Variants in ZSWIM9 observed in about 807,000 individuals in gnomAD.
ZSWIM9 encodes the protein uncharacterized protein ZSWIM9.
ZSWIM9 carries 11 observed loss-of-function variants against 25.0 expected under a neutral mutation model. The observed-to-expected ratio is 0.44, with a 90% confidence interval of 0.28 to 0.73. The LOEUF (loss-of-function observed/expected upper bound fraction) is 0.73. ZSWIM9 is among the 30% of genes least tolerant of loss of function. ZSWIM9 has a pLI of 0.16. For synonymous variants in ZSWIM9, 562 were observed against 582.1 expected (o/e 0.97, Z 0.50); for missense variants, 1,070 against 1,296.5 (o/e 0.83, Z 2.68).
chr19:48,185,697 C>T (rs1377063591), intron 3 of ZSWIM9, among the ~76,000 whole-genome samples: 1 of 152,116 alleles, frequency 6.6e-6, no homozygotes, highest in Non-Finnish European at 1.5e-5. Context: ...AGAAATGTTC[C>T]TTATCCAGGC....
chr19:48,177,762 C>T lies in ZSWIM9; in HGVS notation c.276-4693C>T, dbSNP rs74388465. Among the ~76,000 whole-genome samples the T allele has an allele frequency of 8.6e-3, 1,317 of 152,284 alleles. 15 individuals are homozygous for T. Among genetic ancestry groups the T allele is most frequent in the African/African-American group, 0.029 (1,218 of 41,562 alleles). The stretch of plus-strand genomic sequence containing the variant: ...TAGAAAAATGTACGGGGTGGCATAC[C>T]GTGAACTTGCAATCTTGATAAATCA... On this transcript the variant is annotated intron_variant, in intron 2 of 3. Coordinates refer to ENST00000614654, the MANE Select transcript of ZSWIM9 (RefSeq NM_199341.4).
In ZSWIM9 at chr19:48,195,591, G is replaced by A; in HGVS notation, c.1527G>A (p.Gln509=). The A allele has an allele frequency of 7.0e-7, 1 of 1,420,374 alleles. No homozygotes were observed. Among genetic ancestry groups the A allele is most frequent in the Non-Finnish European group, 9.2e-7 (1 of 1,092,806 alleles). 88.0% of individuals were successfully genotyped at this position (1,420,374 alleles called of 1,614,324 possible). A position where few individuals can be genotyped will look rare whatever the true frequency, so the allele number is the denominator to read the frequency against. Residue 509 remains glutamine (Q), a synonymous_variant, in exon 4 of 4, where the codon CAG becomes CAA. Coordinates refer to ENST00000614654, the MANE Select transcript of ZSWIM9 (RefSeq NM_199341.4). This position sits in a 1 kb window ranked among gnomAD's most constrained non-coding sequence, Gnocchi z 5.8. ...AAACCAGAGACTGGGGCGGGGCTCAGTTCGAAGGTGAGAAGGGGAGGGCAC... is the reference window on the plus strand; with the variant it reads ...AAACCAGAGACTGGGGCGGGGCTCAATTCGAAGGTGAGAAGGGGAGGGCAC... The part of the protein sequence containing the change: ...ALETRDWGGA[Q]FEGEKGRALQ...
chr19:48,196,632 C>G lies in ZSWIM9; in HGVS notation c.2568C>G (p.Thr856=), dbSNP rs45539734. The G allele has an allele frequency of 1.6e-6, 2 of 1,232,396 alleles. No homozygotes were observed. The highest frequency in any genetic ancestry group is 8.4e-5 in the Admixed American group (2 of 23,710). 76.3% of individuals were successfully genotyped at this position (1,232,396 alleles called of 1,614,324 possible). The change falls in exon 4 of 4, where the codon ACC becomes ACG. Residue 856 remains threonine, a synonymous_variant. Coordinates refer to ENST00000614654, the MANE Select transcript of ZSWIM9 (RefSeq NM_199341.4). ...RQHGTRGFHW[T]GAGFALKDGT... ...ATGGGACCCGGGGTTTCCACTGGAC[C>G]GGAGCTGGCTTTGCCCTTAAGGACG...
In ZSWIM9 at chr19:48,194,768, C is replaced by T. The variant is rs1016850026; in HGVS notation, c.704C>T (p.Pro235Leu). ...FPRMLLVDRL[P>L]GLQGALDLLA... ...CGCATGCTGCTGGTGGACCGGCTGC[C>T]GGGGCTGCAGGGCGCGCTGGATCTG... Residue 235 changes from proline to leucine, a missense_variant, in exon 4 of 4, where the codon CCG becomes CTG. Transcript: ENST00000614654. This position sits in a 1 kb window ranked among gnomAD's most constrained non-coding sequence, Gnocchi z 6.0. The T allele has an allele frequency of 1.3e-6, 2 of 1,532,710 alleles. No individual in the cohort carries two copies. Among genetic ancestry groups the T allele is most frequent in the South Asian group, 1.2e-5 (1 of 83,624 alleles). The allele number at this position is 1,532,710 out of a possible 1,614,324, so 94.9% of individuals were successfully genotyped here. A position where few individuals can be genotyped will look rare whatever the true frequency, so the allele number is the denominator to read the frequency against.
rs1307307860 is a variant in ZSWIM9, at chr19:48,182,423, T to C, written c.276-32T>C. 6.7e-7 allele frequency: 1 copy of C among 1,494,386 alleles called. No homozygotes were observed. 92.6% of individuals were successfully genotyped at this position (1,494,386 alleles called of 1,614,324 possible). On this transcript the variant is annotated intron_variant, in intron 2 of 3. Coordinates refer to ENST00000614654, the MANE Select transcript of ZSWIM9 (RefSeq NM_199341.4). This position sits in a 1 kb window ranked among gnomAD's most constrained non-coding sequence, Gnocchi z 4.6. ...AAGGAAGAAGAGGGCAGCAGAGTGA[T>C]GTGACCAGGGCGGTGGTGGTTCCTC... is the stretch of plus-strand genomic sequence containing the variant.
intron 3 of ZSWIM9, among the ~76,000 whole-genome samples, chr19:48,193,484 T>G (rs576456824): frequency 6.6e-6 from 1 of 152,276 alleles, no homozygotes; most frequent in Non-Finnish European, 1.5e-5. Context: ...AAGAGCCACA[T>G]AGGGCAGAGG....
intron 3 of ZSWIM9, among the ~76,000 whole-genome samples, chr19:48,193,972 C>A (rs1216091911): frequency 6.6e-6 from 1 of 152,098 alleles, no homozygotes; most frequent in East Asian, 1.9e-4. Context: ...CCTCTCAGTG[C>A]ATGGAGAAAT....
Position 48,196,096 on chromosome 19 carries a change from A to T in ZSWIM9, c.2032A>T (p.Asn678Tyr). The change falls in exon 4 of 4, where the codon AAC (asparagine) becomes TAC (tyrosine). Residue 678 changes from asparagine to tyrosine, a missense_variant. Physicochemically the swap from Asn to Tyr is moderately radical, Grantham distance 143 (BLOSUM62 -2). Coordinates refer to ENST00000614654, the MANE Select transcript of ZSWIM9 (RefSeq NM_199341.4). ...LEKSLELAPE[N>Y]GDQRGPQWED... The stretch of plus-strand genomic sequence containing the variant: ...GAAGTCCCTGGAGTTGGCCCCTGAG[A>T]ACGGAGACCAAAGGGGACCCCAGTG... The T allele has an allele frequency of 8.0e-7, 1 of 1,242,722 alleles. No homozygotes were observed. Among genetic ancestry groups the T allele is most frequent in the Non-Finnish European group, 1.0e-6 (1 of 994,952 alleles). 77.0% of individuals were successfully genotyped at this position (1,242,722 alleles called of 1,614,324 possible).
At chr19:48,190,608 G>C (rs577525219) in intron 3 of ZSWIM9, 3 of 154,840 alleles carry the variant, frequency 1.9e-5, no homozygotes, top group Non-Finnish European at 4.4e-5. Context: ...TACCTGCAAG[G>C]GGGCAGGGAG....
In ZSWIM9 at chr19:48,195,852, G is replaced by C; in HGVS notation, c.1788G>C (p.Arg596Ser). The C allele has an allele frequency of 1.4e-6, 2 of 1,431,456 alleles. No homozygotes were observed. The allele number at this position is 1,431,456 out of a possible 1,614,324, so 88.7% of individuals were successfully genotyped here. A position where few individuals can be genotyped will look rare whatever the true frequency, so the allele number is the denominator to read the frequency against. ...ALRGLEGYTW[R>S]VAQLEDRRST... is the part of the protein sequence containing the mutation. ...GAGGATTGGAAGGGTATACCTGGAG[G>C]GTGGCCCAGCTGGAAGATCGCAGGA... The change falls in exon 4 of 4, where the codon AGG (arginine) becomes AGC (serine). Residue 596 changes from arginine (R) to serine (S), a missense_variant. Arg to Ser is a moderately radical substitution (Grantham distance 110, BLOSUM62 -1). This residue lies in a region of ZSWIM9 where 583 missense variants were observed against 624.7 expected (regional missense o/e 0.93). Coordinates refer to ENST00000614654, the MANE Select transcript of ZSWIM9 (RefSeq NM_199341.4). This position sits in a 1 kb window ranked among gnomAD's most constrained non-coding sequence, Gnocchi z 5.8.
At chr19:48,171,279 T>A (rs1414716225) in intron 1 of ZSWIM9, 1 of 985,206 alleles carries the variant, frequency 1.0e-6, no homozygotes, top group Non-Finnish European at 1.2e-6. Context: ...GAGGGGTCCG[T>A]GGCCTGGATG....
At chr19:48,187,552 A>ATTATTAT (rs1483823357) in intron 3 of ZSWIM9, 1 of 28,946 alleles carries the variant, frequency 3.5e-5, no homozygotes, top group African/African-American at 9.3e-5. Context: ...ATTATATTAT[A>ATTATTAT]TATATTATAT....
chr19:48,182,603 G>C lies in ZSWIM9; in HGVS notation c.424G>C (p.Ala142Pro). The C allele has an allele frequency of 6.5e-7, 1 of 1,535,864 alleles. No homozygotes were observed. Among genetic ancestry groups the C allele is most frequent in the Non-Finnish European group, 8.7e-7 (1 of 1,146,722 alleles). The change falls in exon 3 of 4, where the codon GCC becomes CCC. Residue 142 changes from alanine to proline, a missense_variant. This residue lies in a region of ZSWIM9 where 265 missense variants were observed against 339.0 expected (regional missense o/e 0.78). Coordinates refer to ENST00000614654, the MANE Select transcript of ZSWIM9 (RefSeq NM_199341.4). This position sits in a 1 kb window ranked among gnomAD's most constrained non-coding sequence, Gnocchi z 4.6. ...CTACTTCCGCCCGGGCCACCTGCTG[G>C]CCAACGCCTGCCTGCCGGTGCGCAC... Reference protein sequence around the residue: ...AYYFRPGHLLANACLPVRTTN... With the variant: ...AYYFRPGHLLPNACLPVRTTN...
intron 2 of ZSWIM9, chr19:48,180,970 A>C (rs1307711966): frequency 6.7e-6 from 1 of 150,218 alleles, no homozygotes; most frequent in African/African-American, 2.4e-5. Flanking sequence ...TTTTTTTAGT[A>C]GAGACAGGGT....
At position 48,196,618 on chromosome 19, in the gene ZSWIM9, G is replaced by A; in HGVS notation, c.2554G>A (p.Gly852Ser). The change falls in exon 4 of 4, where the codon GGT becomes AGT. Residue 852 changes from glycine (G) to serine (S), a missense_variant. This residue lies in a region of ZSWIM9 where 583 missense variants were observed against 624.7 expected (regional missense o/e 0.93). Transcript: ENST00000614654. The stretch of plus-strand genomic sequence containing the variant: ...CTTTGCTAGGCAGCATGGGACCCGG[G>A]GTTTCCACTGGACCGGAGCTGGCTT... ...LAFARQHGTRGFHWTGAGFAL... is the reference protein window; with the variant it reads ...LAFARQHGTRSFHWTGAGFAL... The A allele has an allele frequency of 4.1e-6, 5 of 1,232,552 alleles. No homozygotes were observed. Among genetic ancestry groups the A allele is most frequent in the Non-Finnish European group, 5.1e-6 (5 of 988,286 alleles). The allele number at this position is 1,232,552 out of a possible 1,614,324, so 76.4% of individuals were successfully genotyped here.
intron 2 of ZSWIM9, among the ~76,000 whole-genome samples, chr19:48,176,170 C>T (rs1322360413): frequency 6.6e-6 from 1 of 152,096 alleles, no homozygotes; most frequent in African/African-American, 2.4e-5. Context: ...TGTGCCACTG[C>T]ATTCCAGCCT....
Position 48,194,993 on chromosome 19 carries a change from C to A in ZSWIM9, c.929C>A (p.Pro310His). ...AQLPAVRQLL[P>H]CARVQICRAQ... is the part of the protein sequence containing the mutation. ...TTGCCTGCAGTGCGCCAGCTGCTGCCCTGCGCGCGCGTGCAGATCTGCCGC... is the reference window on the plus strand; with the variant it reads ...TTGCCTGCAGTGCGCCAGCTGCTGCACTGCGCGCGCGTGCAGATCTGCCGC... The change falls in exon 4 of 4, where the codon CCC becomes CAC. Residue 310 changes from proline to histidine, a missense_variant. Pro to His is a moderately conservative substitution (Grantham distance 77). This residue lies in a region of ZSWIM9 where 184 missense variants were observed against 243.1 expected (regional missense o/e 0.76). Transcript: ENST00000614654. This position sits in a 1 kb window ranked among gnomAD's most constrained non-coding sequence, Gnocchi z 6.0. 7.5e-7 allele frequency: 1 copy of A among 1,340,342 alleles called. No individual in the cohort carries two copies. Among genetic ancestry groups the A allele is most frequent in the Non-Finnish European group, 9.5e-7 (1 of 1,051,156 alleles). 83.0% of individuals were successfully genotyped at this position (1,340,342 alleles called of 1,614,324 possible).
At chr19:48,171,271 G>A (rs1432798542) in intron 1 of ZSWIM9, 3 of 985,312 alleles carry the variant, frequency 3.0e-6, no homozygotes, top group African/African-American at 3.5e-5. Context: ...GACCGGGTGA[G>A]GGGTCCGTGG....
At position 48,194,848 on chromosome 19, in the gene ZSWIM9, G is replaced by T; in HGVS notation, c.784G>T (p.Val262Leu). 2.2e-6 allele frequency: 3 copies of T among 1,377,352 alleles called. No homozygotes were observed. Among genetic ancestry groups the T allele is most frequent in the South Asian group, 1.6e-5 (1 of 62,430 alleles). The allele number at this position is 1,377,352 out of a possible 1,614,324, so 85.3% of individuals were successfully genotyped here. A position where few individuals can be genotyped will look rare whatever the true frequency, so the allele number is the denominator to read the frequency against. Reference protein sequence around the residue: ...SGRARQAACCVARPGTPSLLR... With the variant: ...SGRARQAACCLARPGTPSLLR... ...CCGTGCGCGCCAGGCTGCCTGCTGC[G>T]TGGCGCGCCCGGGCACACCGAGCCT... Residue 262 changes from valine (V) to leucine (L), a missense_variant, in exon 4 of 4, where the codon GTG becomes TTG. Val to Leu is a conservative substitution (Grantham distance 32, BLOSUM62 1). This residue lies in a region of ZSWIM9 where 38 missense variants were observed against 89.7 expected (regional missense o/e 0.42). Transcript: ENST00000614654. This position sits in a 1 kb window ranked among gnomAD's most constrained non-coding sequence, Gnocchi z 6.0.
Sources: allele counts gnomAD v4.1 joint callset (sites outside exome capture counted in the v4.1 genomes callset), GRCh38; gene constraint gnomAD v4.1.1; regional missense constraint gnomAD v4.1.1; non-coding constraint Gnocchi (gnomAD v3.1); transcripts MANE v1.5; gene names NCBI Gene and HGNC (gene_info 2026-07-23, HGNC 2026-07-21).